DLGAP2: variants seen among roughly 807,000 people sequenced by gnomAD.
DLGAP2 encodes DLG associated protein 2, also known as disks large-associated protein 2.
Under a neutral mutation model 100.3 loss-of-function variants are expected in DLGAP2, and 26 were observed. That is an observed-to-expected ratio of 0.26 (90% confidence interval 0.19 to 0.36). The LOEUF is 0.36. DLGAP2 is among the 10% of genes least tolerant of loss of function. The probability of loss-of-function intolerance (pLI) is 1.00; values close to 1 mark genes in which losing one functional copy is unlikely to be tolerated. For synonymous variants in DLGAP2, 886 were observed against 630.1 expected (o/e 1.41, Z -6.08); for missense variants, 1,858 against 1,453.2 (o/e 1.28, Z -4.53).
intron 3 of DLGAP2, among the ~76,000 whole-genome samples, chr8:1,338,919 T>C (rs1385733829): frequency 2.1e-4 from 30 of 140,054 alleles, no homozygotes; most frequent in South Asian, 7.3e-4. Context: ...CGTCAGGACC[T>C]GGCAGGGAAT....
At chr8:1,024,842 C>T (rs901291924) in intron 2 of DLGAP2, among the ~76,000 whole-genome samples, 1 of 152,156 alleles carries the variant, frequency 6.6e-6, no homozygotes, top group Non-Finnish European at 1.5e-5. Flanking sequence ...TTTGAAGAAC[C>T]GAGATGTGAC....
At chr8:743,201 C>T (rs1048478813) in intron 1 of DLGAP2, among the ~76,000 whole-genome samples, 2 of 152,076 alleles carry the variant, frequency 1.3e-5, no homozygotes, top group African/African-American at 4.8e-5. Context: ...TCGGAAGAAA[C>T]ACATGTGATA....
In DLGAP2 at chr8:1,246,387, G is replaced by C. The variant is rs549708507; in HGVS notation, c.74-12464G>C. On this transcript the variant is annotated intron_variant, in intron 2 of 14. Transcript: ENST00000637795. ...TAACCGCTTTCCCATCTCCAGCTTG[G>C]CATCCTTCCCTCAACCAGGGCCTCC... Among the ~76,000 whole-genome samples the C allele has an allele frequency of 3.5e-3, 533 of 152,286 alleles. 4 individuals carry two copies. The highest frequency in any genetic ancestry group is 0.012 in the African/African-American group (478 of 41,560).
At chr8:744,842 C>G (rs994194807) in intron 1 of DLGAP2, among the ~76,000 whole-genome samples, 1 of 152,228 alleles carries the variant, frequency 6.6e-6, no homozygotes, top group Non-Finnish European at 1.5e-5. Flanking sequence ...AGTTGGAATG[C>G]TGCTTCCCCG....
At chr8:1,612,456 A>G (rs1021385838) in intron 6 of DLGAP2, among the ~76,000 whole-genome samples, 59 of 143,184 alleles carry the variant, frequency 4.1e-4, no homozygotes, top group African/African-American at 1.5e-3. Flanking sequence ...AAACCTAGGC[A>G]TTACCATTCA....
intron 4 of DLGAP2, among the ~76,000 whole-genome samples, chr8:1,512,464 C>A (rs1212625411): frequency 6.6e-6 from 1 of 152,114 alleles, no homozygotes; most frequent in Non-Finnish European, 1.5e-5. Context: ...TCCGCACTGA[C>A]CTCGGTGCAT....
intron 3 of DLGAP2, among the ~76,000 whole-genome samples, chr8:1,473,876 C>G (rs1409590275): frequency 6.6e-6 from 1 of 152,140 alleles, no homozygotes; most frequent in African/African-American, 2.4e-5. Context: ...CACCTTCCAC[C>G]ATGATTGTGA....
At chr8:1,026,416 G>C (rs1360945133) in intron 2 of DLGAP2, among the ~76,000 whole-genome samples, 2 of 152,136 alleles carry the variant, frequency 1.3e-5, no homozygotes, top group African/African-American at 2.4e-5. Flanking sequence ...GACGCCCGCC[G>C]CCTTGGCTGC....
chr8:800,698 A>ATGTGTGTGTCTGTGTGTCCATGGG (rs1491438712), intron 1 of DLGAP2, among the ~76,000 whole-genome samples: 2 of 151,978 alleles, frequency 1.3e-5, no homozygotes, highest in Non-Finnish European at 2.9e-5. Flanking sequence ...GCATGTGTGC[A>ATGTGTGTGTCTGTGTGTCCATGGG]TGTGTGTGTC....
intron 6 of DLGAP2, among the ~76,000 whole-genome samples, chr8:1,573,903 A>C (rs192965982): frequency 1.7e-4 from 26 of 152,270 alleles, no homozygotes; most frequent in Admixed American, 1.6e-3. Flanking sequence ...TAACAGACCC[A>C]GTGCACTTCA....
At chr8:1,583,806 C>T (rs1796027469) in intron 6 of DLGAP2, among the ~76,000 whole-genome samples, 1 of 152,134 alleles carries the variant, frequency 6.6e-6, no homozygotes, top group Non-Finnish European at 1.5e-5. Context: ...CCTCCACGCG[C>T]TGGTTGCAGG....
intron 3 of DLGAP2, among the ~76,000 whole-genome samples, chr8:1,346,132 C>T (rs1051223313): frequency 6.6e-6 from 1 of 152,094 alleles, no homozygotes; most frequent in Non-Finnish European, 1.5e-5. Flanking sequence ...AAGTCAAAAG[C>T]CCATACACGT....
chr8:1,208,548 T>C (rs1798042186), intron 2 of DLGAP2, among the ~76,000 whole-genome samples: 1 of 152,116 alleles, frequency 6.6e-6, no homozygotes, highest in Admixed American at 6.5e-5. Flanking sequence ...GTTGAAAGCA[T>C]TTTTCCTGAG....
chr8:1,586,695 C>T (rs542681412), intron 6 of DLGAP2, among the ~76,000 whole-genome samples: 2 of 152,330 alleles, frequency 1.3e-5, no homozygotes, highest in African/African-American at 2.4e-5. Context: ...GTGGCGGACT[C>T]TAGGCCCAGA....
intron 3 of DLGAP2, among the ~76,000 whole-genome samples, chr8:1,420,204 G>A (rs567678583): frequency 6.6e-6 from 1 of 152,164 alleles, no homozygotes; most frequent in Non-Finnish European, 1.5e-5. Flanking sequence ...CCAGGGTCCA[G>A]CTTGAGTCTC....
At chr8:839,365 C>T (rs1796939806) in intron 1 of DLGAP2, among the ~76,000 whole-genome samples, 1 of 152,114 alleles carries the variant, frequency 6.6e-6, no homozygotes, top group Non-Finnish European at 1.5e-5. Context: ...ATAAAATGTG[C>T]TGATATAGAT....
At chr8:1,036,615 G>C (rs1170526607) in intron 2 of DLGAP2, among the ~76,000 whole-genome samples, 1 of 152,248 alleles carries the variant, frequency 6.6e-6, no homozygotes, top group East Asian at 1.9e-4. Context: ...GGGGAGGCCT[G>C]GCAGGCTATA....
At chr8:926,428 T>C (rs750723527) in intron 2 of DLGAP2, among the ~76,000 whole-genome samples, 1 of 151,754 alleles carries the variant, frequency 6.6e-6, no homozygotes, top group Non-Finnish European at 1.5e-5. Context: ...AGGTCGGGGG[T>C]CTGTGTGTTT....
At chr8:858,034 T>C (rs1563066595) in intron 1 of DLGAP2, among the ~76,000 whole-genome samples, 1 of 152,116 alleles carries the variant, frequency 6.6e-6, no homozygotes, top group Non-Finnish European at 1.5e-5. Context: ...CATGCCCGGC[T>C]AATTTTGTAT....
Sources: allele counts gnomAD v4.1 joint callset (sites outside exome capture counted in the v4.1 genomes callset), GRCh38; gene constraint gnomAD v4.1.1; transcripts MANE v1.5; gene names NCBI Gene and HGNC (gene_info 2026-07-23, HGNC 2026-07-21).